Variants in CLNK observed in about 807,000 individuals in gnomAD.
The protein encoded by CLNK is cytokine dependent hematopoietic cell linker, also known as cytokine-dependent hematopoietic cell linker.
CLNK carries 74 observed loss-of-function variants against 68.6 expected under a neutral mutation model. The observed-to-expected ratio is 1.08, with a 90% CI of 0.89 to 1.31. The LOEUF (loss-of-function observed/expected upper bound fraction) is 1.31, where lower values mean the gene tolerates loss of function less well. Ranked by LOEUF, CLNK falls within the 50% of genes most tolerant of loss-of-function variation. The pLI is 0.00. For synonymous variants in CLNK, 198 were observed against 172.2 expected, an observed-to-expected ratio of 1.15 and a Z score of -1.17; for missense variants, 553 against 515.3, an observed-to-expected ratio of 1.07 and a Z score of -0.71.
chr4:10,665,391 C>T (rs551217895), intron 2 of CLNK, among the ~76,000 whole-genome samples: 23 of 152,202 alleles, frequency 1.5e-4, no homozygotes, highest in South Asian at 4.1e-4. Flanking sequence ...TAGAGTCGGG[C>T]GCGGTGGCTC....
At chr4:10,712,672 T>C in the CLNK span, among the ~76,000 whole-genome samples, 1 of 152,244 alleles carries the variant, frequency 6.6e-6, no homozygotes, top group Non-Finnish European at 1.5e-5. Flanking sequence ...AGCTTGCTTT[T>C]CTATAATTGC....
chr4:10,730,471 G>C, the CLNK span, among the ~76,000 whole-genome samples: 1 of 152,020 alleles, frequency 6.6e-6, no homozygotes, highest in Non-Finnish European at 1.5e-5. Context: ...TAATGACCTT[G>C]AACTCTACAT....
the CLNK span, among the ~76,000 whole-genome samples, chr4:10,733,375 C>T: frequency 5.9e-5 from 9 of 152,184 alleles, no homozygotes; most frequent in Non-Finnish European, 1.0e-4. Flanking sequence ...CAGTCCTGGG[C>T]CAGGTGAGTC....
intron 2 of CLNK, among the ~76,000 whole-genome samples, chr4:10,648,345 C>T (rs1317260616): frequency 6.6e-6 from 1 of 152,130 alleles, no homozygotes; most frequent in Non-Finnish European, 1.5e-5. Context: ...CTGTTATTGT[C>T]TTAGGACTCC....
intron 1 of CLNK, among the ~76,000 whole-genome samples, chr4:10,680,206 T>C (rs779680513): frequency 2.6e-5 from 4 of 152,054 alleles, no homozygotes; most frequent in Non-Finnish European, 4.4e-5. Context: ...GATGAGTTCA[T>C]GTCCTTTGTA....
At chr4:10,492,636 T>C (rs1205680763) in intron 18 of CLNK, among the ~76,000 whole-genome samples, 2 of 152,180 alleles carry the variant, frequency 1.3e-5, no homozygotes, top group East Asian at 1.9e-4. Flanking sequence ...AGAGGCGCAC[T>C]GAATAGAAAG....
At chr4:10,683,004 G>C (rs970888877) in intron 1 of CLNK, among the ~76,000 whole-genome samples, 4 of 152,122 alleles carry the variant, frequency 2.6e-5, no homozygotes, top group Admixed American at 2.6e-4. Context: ...AATGGAGAAA[G>C]AAGTCAACAC....
intron 7 of CLNK, among the ~76,000 whole-genome samples, 194 bp downstream of exon 7, chr4:10,564,477 A>C (rs1189292621): frequency 6.6e-6 from 1 of 152,176 alleles, no homozygotes; most frequent in Non-Finnish European, 1.5e-5. Context: ...TTCTTTCTAG[A>C]GGTAGGGCCA....
At chr4:10,720,751 G>C in the CLNK span, among the ~76,000 whole-genome samples, 1 of 150,814 alleles carries the variant, frequency 6.6e-6, no homozygotes, top group Non-Finnish European at 1.5e-5. Context: ...ATTGCTGATG[G>C]GAATGTAAAA....
chr4:10,601,379 G>A (rs1216266235), intron 2 of CLNK, among the ~76,000 whole-genome samples: 3 of 152,150 alleles, frequency 2.0e-5, no homozygotes, highest in African/African-American at 4.8e-5. Flanking sequence ...ATATTAACAA[G>A]GCTGGAAAAT....
intron 8 of CLNK, among the ~76,000 whole-genome samples, chr4:10,544,530 C>T (rs1194021174): frequency 2.6e-5 from 4 of 152,068 alleles, no homozygotes; most frequent in African/African-American, 9.7e-5. Context: ...GAGGACAGCA[C>T]GGTGCGGAGA....
At chr4:10,495,799 C>A (rs7698826) in intron 18 of CLNK, among the ~76,000 whole-genome samples, 70,689 of 149,560 alleles carry the variant, frequency 0.47, 16,919 homozygotes, top group Non-Finnish European at 0.52. Flanking sequence ...ATAGAGAGAG[C>A]GATGAGGAGA....
At chr4:10,597,656 C>T (rs1022755188) in intron 3 of CLNK, among the ~76,000 whole-genome samples, 4 of 152,170 alleles carry the variant, frequency 2.6e-5, no homozygotes, top group African/African-American at 7.2e-5. Context: ...TCATTCAAAT[C>T]ATTCATTGGC....
chr4:10,506,742 C>T (rs916380112), intron 17 of CLNK, among the ~76,000 whole-genome samples: 2 of 152,184 alleles, frequency 1.3e-5, no homozygotes, highest in Non-Finnish European at 2.9e-5. Flanking sequence ...ATTTAGAAAC[C>T]TGAGAAAGCC....
chr4:10,491,734 G>A (rs1716581838), intron 18 of CLNK, among the ~76,000 whole-genome samples: 2 of 152,076 alleles, frequency 1.3e-5, no homozygotes, highest in South Asian at 4.2e-4. Flanking sequence ...CCATGCATAA[G>A]GACAGGTATT....
rs5856062 is a variant in CLNK at position 10,578,579 on chromosome 4, C to CTTTTTTTTTTTTTTTTTTT, written c.112+6329_112+6347dup. Among the ~76,000 whole-genome samples the CTTTTTTTTTTTTTTTTTTT allele has an allele frequency of 2.8e-3, 127 of 44,916 alleles. 10 individuals carry two copies. The highest frequency in any genetic ancestry group is 3.7e-3 in the South Asian group (3 of 814). The allele number at this position is 44,916 out of a possible 152,430, so 29.5% of individuals were successfully genotyped here. A position where few individuals can be genotyped will look rare whatever the true frequency, so the allele number is the denominator to read the frequency against. ...TTCTCTTGGACTTGGCTTACCTTAT[C>CTTTTTTTTTTTTTTTTTTT]TTTTTTTTTTTTTTTTTTTTTTTTT... is the stretch of plus-strand genomic sequence containing the variant. On this transcript the variant is annotated intron_variant, in intron 4 of 18. Transcript: ENST00000226951.
chr4:10,686,680 G>A (rs964355626), upstream of CLNK, among the ~76,000 whole-genome samples: 5 of 150,624 alleles, frequency 3.3e-5, no homozygotes, highest in Non-Finnish European at 7.4e-5. Context: ...CAAGTTCAGA[G>A]TAAATGTGGG....
At chr4:10,585,291 C>T (rs971859036) in intron 3 of CLNK, among the ~76,000 whole-genome samples, 9 of 152,196 alleles carry the variant, frequency 5.9e-5, no homozygotes, top group African/African-American at 2.2e-4. Flanking sequence ...CAAGCTTAGC[C>T]TAAAGCTGCC....
chr4:10,494,660 T>C (rs922209136), intron 18 of CLNK, among the ~76,000 whole-genome samples: 1 of 152,152 alleles, frequency 6.6e-6, no homozygotes, highest in African/African-American at 2.4e-5. Flanking sequence ...GGTTTCATCA[T>C]ATTGACCAGG....
Sources: allele counts gnomAD v4.1 joint callset (sites outside exome capture counted in the v4.1 genomes callset), GRCh38; gene constraint gnomAD v4.1.1; transcripts MANE v1.5; gene names NCBI Gene and HGNC (gene_info 2026-07-23, HGNC 2026-07-21).